SLC39A10: variants seen among roughly 807,000 people sequenced by gnomAD.
SLC39A10 encodes zinc transporter ZIP10.
In SLC39A10, 13 loss-of-function variants were observed where a neutral mutation model predicts 65.1. The ratio of observed to expected loss-of-function variants is 0.20; its 90% confidence interval spans 0.13 to 0.32. The LOEUF is 0.32. SLC39A10 is among the 10% of genes least tolerant of loss of function. The probability of loss-of-function intolerance (pLI) is 1.00; values close to 1 mark genes in which losing one functional copy is unlikely to be tolerated. For missense variants in SLC39A10, 831 were observed against 1,018.4 expected (o/e 0.82, Z 2.50); for synonymous variants, 321 against 342.2 (o/e 0.94, Z 0.68).
At chr2:195,724,711 G>T (rs868080283) in intron 8 of SLC39A10, among the ~76,000 whole-genome samples, 2 of 152,250 alleles carry the variant, frequency 1.3e-5, no homozygotes, top group South Asian at 4.1e-4. Context: ...GGGACCAGAA[G>T]ACTATTGTTA....
rs143631850 is a variant in SLC39A10, at chr2:195,645,672, G to C, written c.-11-34360G>C. On this transcript the variant is annotated intron_variant, in intron 2 of 2. Transcript: ENST00000458054. ...TTCCTATTCTAAATACCTCATAGAA[G>C]TGAAATCATATAATGTCTGTGTTTT... Among the ~76,000 whole-genome samples the C allele has an allele frequency of 5.3e-5, 8 of 152,158 alleles. No homozygotes were observed. In the East Asian group the frequency reaches 1.5e-3, roughly 29 times the overall value.
chr2:195,675,679 A>C (rs947817307), intron 1 of SLC39A10, among the ~76,000 whole-genome samples: 26 of 151,598 alleles, frequency 1.7e-4, no homozygotes, highest in African/African-American at 6.3e-4. Context: ...TGATCCACCC[A>C]CCTCGGCCTC....
At chr2:195,684,924 CAT>C (rs1690466487) in intron 3 of SLC39A10, among the ~76,000 whole-genome samples, 1 of 152,174 alleles carries the variant, frequency 6.6e-6, no homozygotes, top group African/African-American at 2.4e-5. Context: ...TACTTAAACA[CAT>C]ATCGCAGACA....
At chr2:195,676,199 C>G (rs181597149) in intron 1 of SLC39A10, among the ~76,000 whole-genome samples, 1 of 151,890 alleles carries the variant, frequency 6.6e-6, no homozygotes, top group South Asian at 2.1e-4. Context: ...CTGCCGCCAC[C>G]GAGACAGAGT....
chr2:195,657,753 G>A, intron 1 of SLC39A10: 1 of 520,328 alleles, frequency 1.9e-6, no homozygotes, highest in Non-Finnish European at 2.5e-6. Flanking sequence ...CAGGTCTTCG[G>A]GGGCTTGGCG....
At chr2:195,614,806 C>T (rs1024866007) in intron 2 of SLC39A10, among the ~76,000 whole-genome samples, 3 of 152,086 alleles carry the variant, frequency 2.0e-5, no homozygotes, top group Admixed American at 2.0e-4. Flanking sequence ...GTTATCCTGG[C>T]ACTTTGGGAG....
intron 8 of SLC39A10, among the ~76,000 whole-genome samples, chr2:195,723,759 T>C (rs933865821): frequency 1.8e-4 from 26 of 148,570 alleles, no homozygotes; most frequent in African/African-American, 6.5e-4. Context: ...AAAAAAAAAA[T>C]ACAGCCATGG....
intron 9 of SLC39A10, among the ~76,000 whole-genome samples, chr2:195,733,237 G>A (rs1692482623): frequency 6.6e-6 from 1 of 152,140 alleles, no homozygotes; most frequent in Admixed American, 6.6e-5. Context: ...GGAGCAAAAC[G>A]TAGTGTCCCA....
chr2:195,717,593 T>G (rs1314066273), intron 7 of SLC39A10, among the ~76,000 whole-genome samples: 1 of 152,110 alleles, frequency 6.6e-6, no homozygotes, highest in African/African-American at 2.4e-5. Flanking sequence ...GTTTTTGTTT[T>G]TTTTTTTAAA....
intron 4 of SLC39A10, among the ~76,000 whole-genome samples, chr2:195,708,183 A>G (rs936850245): frequency 2.0e-5 from 3 of 152,194 alleles, no homozygotes; most frequent in East Asian, 3.8e-4. Context: ...ACAAACCTGC[A>G]CTTGTACCCC....
chr2:195,642,977 G>A (rs1688842491), intron 2 of SLC39A10, among the ~76,000 whole-genome samples: 1 of 152,172 alleles, frequency 6.6e-6, no homozygotes, highest in Non-Finnish European at 1.5e-5. Flanking sequence ...CTTATTTAAA[G>A]GGAACAAGAC....
intron 2 of SLC39A10, among the ~76,000 whole-genome samples, chr2:195,615,650 G>T (rs1236742948): frequency 2.0e-5 from 3 of 152,090 alleles, no homozygotes; most frequent in Non-Finnish European, 4.4e-5. Context: ...GTTTCCTCTT[G>T]GCAGTCCATT....
In SLC39A10 at chr2:195,659,019, C is replaced by G. The variant is rs13407432; in HGVS notation, c.-12+1738C>G. ...AGCATTAGTGAGGACTGTAAATGATCTTTAAAGAATTTGGCTTAAATTTAA... is the reference window on the plus strand; with the variant it reads ...AGCATTAGTGAGGACTGTAAATGATGTTTAAAGAATTTGGCTTAAATTTAA... On this transcript the variant is annotated intron_variant, in intron 1 of 9. Coordinates refer to ENST00000359634, the MANE Select transcript of SLC39A10 (RefSeq NM_020342.3). Among the ~76,000 whole-genome samples the G allele has an allele frequency of 9.7e-3, 1,481 of 152,274 alleles. 24 individuals are homozygous for G. The highest frequency in any genetic ancestry group is 0.033 in the African/African-American group (1,384 of 41,544).
At position 195,737,343 on chromosome 2, in the gene SLC39A10, C is replaced by T. The variant is rs1214014565; in HGVS notation, c.*2302C>T. On this transcript the variant is annotated 3_prime_UTR_variant, in exon 10 of 10. Coordinates refer to ENST00000359634, the MANE Select transcript of SLC39A10 (RefSeq NM_020342.3). ...CTTGTACAATGCTGTCACTGTGTGACATCCATATGAATTTTGGTATATATC... is the reference window on the plus strand; with the variant it reads ...CTTGTACAATGCTGTCACTGTGTGATATCCATATGAATTTTGGTATATATC... 1 of 153,060 alleles carries T rather than the reference C, an allele frequency of 6.5e-6. No homozygotes were observed. Among genetic ancestry groups the T allele is most frequent in the Non-Finnish European group, 1.5e-5 (1 of 68,670 alleles). 9.5% of individuals were successfully genotyped at this position (153,060 alleles called of 1,614,324 possible).
At chr2:195,685,929 A>G (rs1421678864) in intron 3 of SLC39A10, among the ~76,000 whole-genome samples, 1 of 152,220 alleles carries the variant, frequency 6.6e-6, no homozygotes, top group African/African-American at 2.4e-5. Flanking sequence ...GAAGATCATT[A>G]TGTGAATGTA....
Position 195,696,546 on chromosome 2 carries a change from A to G in SLC39A10, c.1217-10070A>G, listed in dbSNP as rs113870618. Among the ~76,000 whole-genome samples the G allele has an allele frequency of 6.6e-4, 101 of 152,272 alleles. 1 individual carries two copies. The highest frequency in any genetic ancestry group is 1.2e-4 in the African/African-American group (5 of 41,566). ...AATAAAAAGCAATACAACTATTTGC[A>G]TAGCATTTATATTGTGTTAGATATT... On this transcript the variant is annotated intron_variant, in intron 3 of 9. Transcript: ENST00000359634.
intron 2 of SLC39A10, among the ~76,000 whole-genome samples, chr2:195,625,215 T>C (rs758543290): frequency 2.4e-5 from 2 of 82,240 alleles, no homozygotes; most frequent in Non-Finnish European, 4.5e-5. Flanking sequence ...ACACTCTGTC[T>C]CAAAAAAAAA....
At chr2:195,633,922 C>T (rs1011295651) in intron 2 of SLC39A10, among the ~76,000 whole-genome samples, 5 of 152,192 alleles carry the variant, frequency 3.3e-5, no homozygotes, top group African/African-American at 7.2e-5. Flanking sequence ...TCAGGCTTTT[C>T]GGCTTGAGGG....
intron 6 of SLC39A10, among the ~76,000 whole-genome samples, chr2:195,716,260 A>T (rs1414112919): frequency 6.6e-6 from 1 of 152,028 alleles, no homozygotes; most frequent in African/African-American, 2.4e-5. Flanking sequence ...AATTTTTTTT[A>T]AAAAAGGCTT....
Sources: gnomAD v4.1 joint callset for allele counts (sites outside exome capture counted in the v4.1 genomes callset) on GRCh38, gnomAD v4.1.1 for gene constraint, MANE v1.5 for transcripts, NCBI Gene and HGNC (gene_info 2026-07-23, HGNC 2026-07-21) for gene names.